The following NXPH1 variants were observed in gnomAD, a reference collection of about 807,000 sequenced individuals.
NXPH1 encodes neurexophilin 1.
A neutral mutation model predicts 23.7 loss-of-function variants in NXPH1; 5 were observed. The observed-to-expected ratio is 0.21, with a 90% CI of 0.11 to 0.44. The LOEUF is 0.44. NXPH1 is among the 20% of genes least tolerant of loss of function. The pLI is 0.99. For missense variants in NXPH1, 324 were observed against 321.6 expected, an observed-to-expected ratio of 1.01 and a Z score of -0.06; for synonymous variants, 144 against 122.2, an observed-to-expected ratio of 1.18 and a Z score of -1.18.
intron 2 of NXPH1, among the ~76,000 whole-genome samples, chr7:8,521,238 T>G: frequency 6.6e-6 from 1 of 152,180 alleles, no homozygotes; most frequent in South Asian, 2.1e-4. Context: ...AAAGTGCAGT[T>G]TAAACCTGCT....
At chr7:8,644,439 G>GT (rs1820363899) in intron 2 of NXPH1, among the ~76,000 whole-genome samples, 2 of 152,154 alleles carry the variant, frequency 1.3e-5, no homozygotes, top group Admixed American at 1.3e-4. Flanking sequence ...TTCGGTTGAA[G>GT]TTTTTTCACT....
chr7:8,559,232 A>G (rs1194799027), intron 2 of NXPH1, among the ~76,000 whole-genome samples: 1 of 151,754 alleles, frequency 6.6e-6, no homozygotes, highest in Non-Finnish European at 1.5e-5. Flanking sequence ...TGTTAAGATT[A>G]TAGGCATGAG....
intron 2 of NXPH1, among the ~76,000 whole-genome samples, chr7:8,436,079 G>T (rs1816188407): frequency 6.6e-6 from 1 of 152,214 alleles, no homozygotes. Context: ...ACGAGAAGAA[G>T]TGGAAGGCAG....
chr7:8,748,580 G>T (rs1383790439), intron 2 of NXPH1, among the ~76,000 whole-genome samples: 1 of 152,208 alleles, frequency 6.6e-6, no homozygotes, highest in African/African-American at 2.4e-5. Context: ...CCATTGGTCA[G>T]TGTTATCTAT....
chr7:8,507,539 A>G lies in NXPH1; in HGVS notation c.54+71772A>G, dbSNP rs144879075. On this transcript the variant is annotated intron_variant, in intron 2 of 2. Transcript: ENST00000405863. ...TACCGCATATACATCAAAATCACTTATAACATGAATCCTTCTAGTAGTTCC... is the reference window on the plus strand; with the variant it reads ...TACCGCATATACATCAAAATCACTTGTAACATGAATCCTTCTAGTAGTTCC... Among the ~76,000 whole-genome samples, 2 of 152,248 alleles carry G rather than the reference A, an allele frequency of 1.3e-5. 1 individual carries two copies. Among genetic ancestry groups the G allele is most frequent in the Non-Finnish European group, 2.9e-5 (2 of 67,978 alleles).
At chr7:8,746,624 T>A in intron 2 of NXPH1, among the ~76,000 whole-genome samples, 1 of 152,370 alleles carries the variant, frequency 6.6e-6, no homozygotes, top group South Asian at 2.1e-4. Context: ...TTACATTGTT[T>A]GGAGTTCAAT....
At chr7:8,558,967 T>TTTATG (rs1225938586) in intron 2 of NXPH1, among the ~76,000 whole-genome samples, 1 of 151,680 alleles carries the variant, frequency 6.6e-6, no homozygotes, top group African/African-American at 2.4e-5. Context: ...TTGGGATCTT[T>TTTATG]TTATTTTATT....
intron 2 of NXPH1, among the ~76,000 whole-genome samples, chr7:8,455,158 T>C (rs1452234353): frequency 6.6e-6 from 1 of 151,756 alleles, no homozygotes; most frequent in East Asian, 1.9e-4. Flanking sequence ...TATGAATCAA[T>C]GAATTATTCC....
intron 2 of NXPH1, among the ~76,000 whole-genome samples, chr7:8,456,541 C>T (rs1816597478): frequency 1.3e-5 from 2 of 152,136 alleles, no homozygotes; most frequent in African/African-American, 2.4e-5. Context: ...ATTGGAATGA[C>T]ATCTGCTTCT....
At chr7:8,504,390 A>G (rs1477011611) in intron 2 of NXPH1, among the ~76,000 whole-genome samples, 1 of 152,158 alleles carries the variant, frequency 6.6e-6, no homozygotes, top group African/African-American at 2.4e-5. Flanking sequence ...CCACTAAAAT[A>G]GGTTTCAAGG....
chr7:8,629,396 A>G (rs1296608513), intron 2 of NXPH1, among the ~76,000 whole-genome samples: 1 of 152,158 alleles, frequency 6.6e-6, no homozygotes, highest in African/African-American at 2.4e-5. Flanking sequence ...ACAATTTGTA[A>G]CTACTAAGAA....
At chr7:8,518,806 T>A (rs2128615276) in intron 2 of NXPH1, among the ~76,000 whole-genome samples, 1 of 152,218 alleles carries the variant, frequency 6.6e-6, no homozygotes, top group Non-Finnish European at 1.5e-5. Context: ...AATCCATGGG[T>A]TTTGGAGCCA....
At position 8,717,199 on chromosome 7, in the gene NXPH1, T is replaced by C. The variant is rs550456638; in HGVS notation, c.55-33809T>C. On this transcript the variant is annotated intron_variant, in intron 2 of 2. Transcript: ENST00000405863. ...CTTTGGAGATGATGCATCCTTTCTC[T>C]TGAGTTAAGTGTGTCTCTAGCTGTA... Among the ~76,000 whole-genome samples the C allele has an allele frequency of 1.2e-4, 19 of 152,334 alleles. No individual in the cohort carries two copies. In the South Asian group the frequency reaches 3.1e-3, roughly 25 times the overall value.
chr7:8,441,374 AC>A (rs1816295587), intron 2 of NXPH1, among the ~76,000 whole-genome samples: 1 of 151,800 alleles, frequency 6.6e-6, no homozygotes, highest in African/African-American at 2.4e-5. Flanking sequence ...GTCAGCACTA[AC>A]CCCCTCCCGG....
chr7:8,588,833 C>T (rs1365493580), intron 2 of NXPH1, among the ~76,000 whole-genome samples: 2 of 151,948 alleles, frequency 1.3e-5, no homozygotes, highest in Non-Finnish European at 2.9e-5. Context: ...GCTTAAAATG[C>T]GATTATAAGG....
chr7:8,711,582 G>T (rs1015913397), intron 2 of NXPH1, among the ~76,000 whole-genome samples: 1 of 152,232 alleles, frequency 6.6e-6, no homozygotes, highest in Non-Finnish European at 1.5e-5. Context: ...TATGGAAGGA[G>T]TGAGGCTGCT....
In NXPH1 at chr7:8,435,840, G is replaced by A; in HGVS notation, c.54+73G>A. Reference sequence around the variant, plus strand: ...AGGCAAGGAAACTGGGGACACGCGGGAGAAGGGTTACGCCGCCAGTTCAGT... The same window carrying A: ...AGGCAAGGAAACTGGGGACACGCGGAAGAAGGGTTACGCCGCCAGTTCAGT... On this transcript the variant is annotated intron_variant, in intron 2 of 2. Transcript: ENST00000405863. This position sits in a 1 kb window ranked among gnomAD's most constrained non-coding sequence, Gnocchi z 5.9. The A allele has an allele frequency of 7.1e-7, 1 of 1,408,556 alleles. No homozygotes were observed. Among genetic ancestry groups the A allele is most frequent in the Non-Finnish European group, 1.0e-6 (1 of 993,454 alleles). The allele number at this position is 1,408,556 out of a possible 1,614,324, so 87.3% of individuals were successfully genotyped here.
rs111790553 is a variant in NXPH1, at chr7:8,513,125, C to T, written c.54+77358C>T. ...CATAGAAGAAGGAGGGAAAAGTGCC[C>T]AACTACCCAAGTAATGAGAGAACGT... On this transcript the variant is annotated intron_variant, in intron 2 of 2. Coordinates refer to ENST00000405863, the MANE Select transcript of NXPH1 (RefSeq NM_152745.3). Among the ~76,000 whole-genome samples the T allele has an allele frequency of 1.2e-4, 18 of 152,022 alleles. No homozygotes were observed. In the East Asian group the frequency reaches 2.7e-3, roughly 23 times the overall value.
At chr7:8,531,124 C>T (rs1374086522) in intron 2 of NXPH1, among the ~76,000 whole-genome samples, 4 of 152,094 alleles carry the variant, frequency 2.6e-5, no homozygotes, top group Admixed American at 2.0e-4. Context: ...TCCTTCTTGG[C>T]AAGTGGAGAT....
Sources: allele counts gnomAD v4.1 joint callset (sites outside exome capture counted in the v4.1 genomes callset), GRCh38; gene constraint gnomAD v4.1.1; non-coding constraint Gnocchi (gnomAD v3.1); transcripts MANE v1.5; gene names NCBI Gene and HGNC (gene_info 2026-07-23, HGNC 2026-07-21).